HNRNPH1: variants seen among roughly 807,000 people sequenced by gnomAD.
HNRNPH1 encodes heterogeneous nuclear ribonucleoprotein H1.
HNRNPH1 carries 4 observed loss-of-function variants against 58.6 expected under a neutral mutation model. The ratio of observed to expected loss-of-function variants is 0.07; its 90% CI spans 0.03 to 0.16. HNRNPH1 has a LOEUF of 0.16. Ranked by LOEUF, HNRNPH1 falls within the 10% of genes least tolerant of loss-of-function variation. The pLI, the probability that HNRNPH1 is intolerant of heterozygous loss-of-function variation, is 1.00. For missense variants in HNRNPH1, 271 were observed against 564.2 expected (o/e 0.48, Z 5.26); for synonymous variants, 192 against 189.2 (o/e 1.01, Z -0.12).
At position 179,614,976 on chromosome 5, in the gene HNRNPH1, T is replaced by C; in HGVS notation, c.*1-17A>G. 3 of 1,424,146 alleles carry C rather than the reference T, an allele frequency of 2.1e-6. No individual in the cohort carries two copies. The highest frequency in any genetic ancestry group is 9.7e-7 in the Non-Finnish European group (1 of 1,031,732). The allele number at this position is 1,424,146 out of a possible 1,614,324, so 88.2% of individuals were successfully genotyped here. ...CTTGGTTACCTGCAAAGAGATCAAT[T>C]TGACAAGTTAGGAGTAATATCAGAC... On this transcript the variant is annotated splice_polypyrimidine_tract_variant and intron_variant, in intron 12 of 12. Coordinates refer to ENST00000356731, the Ensembl canonical transcript of HNRNPH1.
exon 5 of HNRNPH1, chr5:179,618,191 G>T: frequency 6.2e-7 from 1 of 1,614,114 alleles, no homozygotes; most frequent in Non-Finnish European, 8.5e-7. Context: ...CAGCTCCTCT[G>T]CCAATGCTGT....
In HNRNPH1 at chr5:179,621,407, AAAC is replaced by A. The variant is rs768963165; in HGVS notation, c.98-13_98-11del. 6 of 1,611,974 alleles carry A rather than the reference AAAC, an allele frequency of 3.7e-6. No homozygotes were observed. The highest frequency in any genetic ancestry group is 3.3e-5 in the South Asian group (3 of 90,678). On this transcript the variant is annotated splice_polypyrimidine_tract_variant and intron_variant, in intron 1 of 12. Coordinates refer to ENST00000356731, the Ensembl canonical transcript of HNRNPH1. ...TTTTGAATTTTGCAGTCTGGAAAGA[AAAC>A]AACCGTTAATACAGAATTTAAAACC... is the stretch of plus-strand genomic sequence containing the variant.
exon 6 of HNRNPH1, chr5:179,618,059 G>A (rs1373785402): frequency 4.3e-6 from 7 of 1,613,922 alleles, no homozygotes; most frequent in Non-Finnish European, 5.1e-6. Context: ...AGCCTCCATA[G>A]CCTGAAAGAC....
intron 2 of HNRNPH1, among the ~76,000 whole-genome samples, chr5:179,632,953 A>T (rs1354785486): frequency 7.2e-6 from 1 of 139,604 alleles, no homozygotes; most frequent in Non-Finnish European, 1.5e-5. Context: ...CAGCTCCTGT[A>T]TTCAAGCGAT....
At chr5:179,633,012 C>T (rs1774978629) in intron 2 of HNRNPH1, among the ~76,000 whole-genome samples, 1 of 151,828 alleles carries the variant, frequency 6.6e-6, no homozygotes, top group South Asian at 2.1e-4. Context: ...CGCCCACCAC[C>T]ACGCCCAGCT....
At position 179,618,129 on chromosome 5, in the gene HNRNPH1, AC is replaced by A; in HGVS notation, c.715+15del. 1 of 1,613,558 alleles carries A rather than the reference AC, an allele frequency of 6.2e-7. No individual in the cohort carries two copies. The highest frequency in any genetic ancestry group is 8.5e-7 in the Non-Finnish European group (1 of 1,179,690). ...AGGAACAGACGACTTGCCGAACCTT[AC>A]GAATCCTCACGTACCTCCACCATAA... On this transcript the variant is annotated intron_variant, in intron 5 of 12. Transcript: ENST00000356731.
Position 179,622,515 on chromosome 5 carries a change from A to C in HNRNPH1, c.97+522T>G. Reference sequence around the variant, plus strand: ...CACTTGAGGTCAGATGTTCGAGACCAGCCTGGCCAAAATAGTGAAACCCCG... The same window carrying C: ...CACTTGAGGTCAGATGTTCGAGACCCGCCTGGCCAAAATAGTGAAACCCCG... On this transcript the variant is annotated intron_variant, in intron 1 of 12. Transcript: ENST00000356731. Among the ~76,000 whole-genome samples, 2 of 152,180 alleles carry C rather than the reference A, an allele frequency of 1.3e-5. 1 individual carries two copies. Among genetic ancestry groups the C allele is most frequent in the Non-Finnish European group, 2.9e-5 (2 of 68,030 alleles).
At chr5:179,617,520 T>A (rs1770382314) in exon 8 of HNRNPH1, 1 of 1,613,480 alleles carries the variant, frequency 6.2e-7, no homozygotes, top group South Asian at 1.1e-5. Flanking sequence ...TTACGCATAT[T>A]TGCTTTGTCT....
chr5:179,626,831 A>G, upstream of HNRNPH1, among the ~76,000 whole-genome samples: 2 of 147,848 alleles, frequency 1.4e-5, no homozygotes, highest in Non-Finnish European at 3.0e-5. Flanking sequence ...GCTGGAGTAC[A>G]ATGGCGCGAT....
Position 179,620,363 on chromosome 5 carries a change from G to C in HNRNPH1, c.397+529C>G, listed in dbSNP as rs990083483. On this transcript the variant is annotated intron_variant, in intron 3 of 12. Transcript: ENST00000356731. ...CTTATTTCAGATACTGAGACTACAAGCATTCAAACTACTCTCACTACATCT... is the reference window on the plus strand; with the variant it reads ...CTTATTTCAGATACTGAGACTACAACCATTCAAACTACTCTCACTACATCT... 3.3e-5 allele frequency among the ~76,000 whole-genome samples: 5 copies of C among 152,202 alleles called. No individual in the cohort carries two copies. The East Asian group carries it at 9.6e-4, about 29-fold the overall frequency.
At chr5:179,618,183 G>C (rs933313523) in exon 5 of HNRNPH1, 2 of 1,613,962 alleles carry the variant, frequency 1.2e-6, no homozygotes, top group African/African-American at 1.3e-5. Flanking sequence ...CTCAAAGCCA[G>C]CTCCTCTGCC....
intron 2 of HNRNPH1, among the ~76,000 whole-genome samples, chr5:179,633,381 C>G (rs12514650): frequency 7.3e-5 from 11 of 151,030 alleles, no homozygotes; most frequent in Admixed American, 7.2e-4. Context: ...CTGCAAGCTC[C>G]GCCTCCCGGG....
upstream of HNRNPH1, among the ~76,000 whole-genome samples, chr5:179,628,977 C>T (rs992187369): frequency 2.7e-5 from 4 of 149,668 alleles, no homozygotes; most frequent in African/African-American, 9.9e-5. Context: ...CGAGACTGTG[C>T]CTCAAAGAAA....
At chr5:179,622,660 G>C (rs1442800185) in intron 1 of HNRNPH1, among the ~76,000 whole-genome samples, 1 of 152,132 alleles carries the variant, frequency 6.6e-6, no homozygotes, top group Non-Finnish European at 1.5e-5. Flanking sequence ...GCAGTGAGCC[G>C]AGAACGCGCC....
intron 2 of HNRNPH1, among the ~76,000 whole-genome samples, chr5:179,633,307 T>C (rs1240583562): frequency 1.3e-5 from 2 of 150,770 alleles, no homozygotes; most frequent in South Asian, 2.1e-4. Flanking sequence ...TTTGTTTGTT[T>C]GTTTGTTTGA....
chr5:179,617,507 C>T lies in HNRNPH1; in HGVS notation c.1057+7G>A. On this transcript the variant is annotated splice_region_variant and intron_variant, in intron 8 of 12. Coordinates refer to ENST00000356731, the Ensembl canonical transcript of HNRNPH1. ...TTAAGAGCCCACAAATGCTCAATCA[C>T]ACTTACGCATATTTGCTTTGTCTTT... 6.2e-7 allele frequency: 1 copy of T among 1,612,594 alleles called. No homozygotes were observed. Among genetic ancestry groups the T allele is most frequent in the South Asian group, 1.1e-5 (1 of 90,828 alleles).
intron 2 of HNRNPH1, among the ~76,000 whole-genome samples, chr5:179,632,354 G>C (rs988410918): frequency 7.2e-5 from 11 of 152,132 alleles, no homozygotes; most frequent in Middle Eastern, 6.9e-3. Flanking sequence ...GTTAGAGCCC[G>C]GGTATGGGGT....
At chr5:179,623,314 C>T (rs1773644293) in exon 1 of HNRNPH1, 3 of 462,884 alleles carry the variant, frequency 6.5e-6, no homozygotes, top group East Asian at 8.2e-5. Context: ...GTCCGGCGAC[C>T]GGACCCCCAA....
intron 2 of HNRNPH1, among the ~76,000 whole-genome samples, chr5:179,631,699 T>A (rs28501545): frequency 1 from 151,790 of 152,206 alleles, 75,689 homozygotes; most frequent in Middle Eastern, 1. Flanking sequence ...ATGAGCTGAG[T>A]TCGCGCCACT....
Sources: gnomAD v4.1 joint callset for allele counts (sites outside exome capture counted in the v4.1 genomes callset) on GRCh38, gnomAD v4.1.1 for gene constraint, MANE v1.5 for transcripts, NCBI Gene and HGNC (gene_info 2026-07-23, HGNC 2026-07-21) for gene names.